COL6A2: variants seen among roughly 807,000 people sequenced by gnomAD.
COL6A2 encodes the protein collagen alpha-2(VI) chain.
A neutral mutation model predicts 124.9 loss-of-function variants in COL6A2; 90 were observed. That is an observed-to-expected ratio of 0.72 (90% CI 0.61 to 0.86). The LOEUF (loss-of-function observed/expected upper bound fraction) is 0.86. Ranked by LOEUF, COL6A2 falls within the 40% of genes least tolerant of loss-of-function variation. The pLI is 0.00. For missense variants in COL6A2, 1,607 were observed against 1,502.5 expected (o/e 1.07, Z -1.15); for synonymous variants, 793 against 618.2 (o/e 1.28, Z -4.19).
Position 46,120,580 on chromosome 21 carries a change from A to G in COL6A2, c.1395+3A>G. 6.8e-7 allele frequency: 1 copy of G among 1,461,068 alleles called. No homozygotes were observed. The highest frequency in any genetic ancestry group is 9.0e-7 in the Non-Finnish European group (1 of 1,106,252). The allele number at this position is 1,461,068 out of a possible 1,614,324, so 90.5% of individuals were successfully genotyped here. A position where few individuals can be genotyped will look rare whatever the true frequency, so the allele number is the denominator to read the frequency against. On this transcript the variant is annotated splice_donor_region_variant and intron_variant, in intron 16 of 27. Transcript: ENST00000300527. ...AGGTTGGCAACAAAGGAGCCAAGGT[A>G]GGGGAGCAGGGTGGGCCGCACCCCA...
intron 17 of COL6A2, 67 bp downstream of exon 17, chr21:46,121,190 G>A: frequency 6.7e-7 from 1 of 1,491,350 alleles, no homozygotes; most frequent in Non-Finnish European, 9.3e-7. Context: ...TCCATGTGGG[G>A]ACAGCCTGGA....
intron 18 of COL6A2, 57 bp downstream of exon 18, chr21:46,121,675 G>A: frequency 6.4e-7 from 1 of 1,572,518 alleles, no homozygotes; most frequent in Non-Finnish European, 8.7e-7. Flanking sequence ...TGCCTGAGGA[G>A]CAGGACAGGG....
chr21:46,129,375 G>A, intron 27 of COL6A2: 1 of 1,612,970 alleles, frequency 6.2e-7, no homozygotes, highest in South Asian at 1.1e-5. Flanking sequence ...CGCCGAGCGG[G>A]CCAAGTTCGC....
chr21:46,112,957 G>A, intron 4 of COL6A2, 133 bp downstream of exon 4: 1 of 1,162,632 alleles, frequency 8.6e-7, no homozygotes, highest in South Asian at 1.3e-5. Flanking sequence ...GCTCCATGTT[G>A]GACCTGAGGC....
chr21:46,109,300 T>C (rs1304166906), intron 1 of COL6A2, among the ~76,000 whole-genome samples: 1 of 152,188 alleles, frequency 6.6e-6, no homozygotes, highest in Non-Finnish European at 1.5e-5. Context: ...GGTCGTGCCA[T>C]GCTCTGCCCT....
At position 46,121,126 on chromosome 21, in the gene COL6A2, C is replaced by T. The variant is rs794727186; in HGVS notation, c.1458+3C>T. The T allele has an allele frequency of 8.7e-6, 14 of 1,612,524 alleles. No homozygotes were observed. Among genetic ancestry groups the T allele is most frequent in the Non-Finnish European group, 1.1e-5 (13 of 1,179,752 alleles). ...CTCTTGGGGAGCCCGGAAAGCAGGT[C>T]AGTGTCAGTGCAGGAGGCCGGTGCC... On this transcript the variant is annotated splice_donor_region_variant and intron_variant, in intron 17 of 27. Coordinates refer to ENST00000300527, the MANE Select transcript of COL6A2 (RefSeq NM_001849.4).
At chr21:46,123,679 GGGTGAGTA>G (rs769623899) in intron 21 of COL6A2, among the ~76,000 whole-genome samples, 76 of 72,948 alleles carry the variant, frequency 1.0e-3, no homozygotes, top group Non-Finnish European at 1.7e-3. Flanking sequence ...GTAGATGTAT[GGGTGAGTA>G]GGTGGGTAGG....
rs11554668 is a variant in COL6A2 at position 46,132,272 on chromosome 21, C to G, written c.2780C>G (p.Ala927Gly). 2.5e-6 allele frequency: 4 copies of G among 1,606,578 alleles called. No homozygotes were observed. In the Admixed American group the frequency reaches 6.7e-5, roughly 27 times the overall value. ...VGAGVVHAIN[A>G]IVRSPRGGAR... ...GCAGGCGTGGTGCACGCCATCAATG[C>G]CATCGTGCGCAGCCCGCGTGGCGGG... Residue 927 changes from alanine (A) to glycine (G), a missense_variant, in exon 28 of 28, where the codon GCC (alanine) becomes GGC (glycine). Physicochemically the swap from Ala to Gly is moderately conservative, Grantham distance 60 (BLOSUM62 0). Around this residue, in one of 3 missense-constraint regions of COL6A2, gnomAD observed 1,223 missense variants for 1,052.2 expected, o/e 1.16. Transcript: ENST00000300527.
chr21:46,129,247 A>G, intron 27 of COL6A2: 1 of 1,612,870 alleles, frequency 6.2e-7, no homozygotes, highest in Non-Finnish European at 8.5e-7. Flanking sequence ...CGCACGGAAG[A>G]GGGGCCGGAC....
chr21:46,105,570 A>G (rs1177409247), intron 1 of COL6A2, among the ~76,000 whole-genome samples: 3 of 152,202 alleles, frequency 2.0e-5, no homozygotes, highest in Admixed American at 6.5e-5. Context: ...TGTGACATCA[A>G]TAACTAAAAG....
At chr21:46,117,117 C>T (rs2078484733) in intron 10 of COL6A2, among the ~76,000 whole-genome samples, 1 of 152,338 alleles carries the variant, frequency 6.6e-6, no homozygotes, top group East Asian at 1.9e-4. Flanking sequence ...ACAGCCCCAC[C>T]CACTCCTTCC....
chr21:46,113,835 CCT>C, intron 4 of COL6A2, 171 bp from the exon 5 acceptor site: 1 of 686,758 alleles, frequency 1.5e-6, no homozygotes, highest in Non-Finnish European at 2.7e-6. Flanking sequence ...GGGGGCAGAG[CCT>C]CACAGCACCC....
chr21:46,125,689 A>C, intron 25 of COL6A2, 72 bp downstream of exon 25: 3 of 1,589,516 alleles, frequency 1.9e-6, no homozygotes. Context: ...AGATGGGAGA[A>C]GTCCAGACGC....
chr21:46,118,974 G>T, intron 13 of COL6A2, 56 bp from the exon 14 acceptor site: 2 of 1,367,918 alleles, frequency 1.5e-6, no homozygotes, highest in South Asian at 1.2e-5. Context: ...GCACAGGCGT[G>T]ACCATGCCTC....
intron 5 of COL6A2, among the ~76,000 whole-genome samples, chr21:46,115,652 T>G (rs1284702099): frequency 6.6e-6 from 1 of 152,170 alleles, no homozygotes; most frequent in Non-Finnish European, 1.5e-5. Context: ...CAGGTGGCTT[T>G]GTGGGAAGCT....
rs1256949462 is a variant in COL6A2, at chr21:46,124,885, G to T, written c.1735G>T (p.Gly579Cys). 2 of 1,612,874 alleles carry T rather than the reference G, an allele frequency of 1.2e-6. No individual in the cohort carries two copies. Among genetic ancestry groups the T allele is most frequent in the Non-Finnish European group, 1.7e-6 (2 of 1,179,988 alleles). ...RGPRGVPGPEGEPGPPGDPGL... is the reference protein window; with the variant it reads ...RGPRGVPGPECEPGPPGDPGL... ...CTCAGCCTCATCCTTCCTTCCCCAG[G>T]GTGAGCCCGGCCCCCCTGGAGACCC... Residue 579 changes from glycine (G) to cysteine (C), a missense_variant and splice_region_variant, in exon 23 of 28, where the codon GGT becomes TGT. By Grantham distance (159) the Gly-to-Cys change is radical. Coordinates refer to ENST00000300527, the MANE Select transcript of COL6A2 (RefSeq NM_001849.4).
intron 1 of COL6A2, among the ~76,000 whole-genome samples, chr21:46,106,031 A>T (rs1316424202): frequency 1.3e-5 from 2 of 152,232 alleles, no homozygotes; most frequent in African/African-American, 4.8e-5. Context: ...CAGTGAAAGG[A>T]TGGGCAATGA....
chr21:46,099,891 T>G (rs1166782641), intron 1 of COL6A2, among the ~76,000 whole-genome samples: 1,639 of 81,164 alleles, frequency 0.02, 48 homozygotes, highest in African/African-American at 0.076. Context: ...AGCACTGTCT[T>G]TTTTTTTTTT....
chr21:46,125,216 ACT>A (rs1282104840), intron 23 of COL6A2, 48 bp from the exon 24 acceptor site: 1 of 1,563,370 alleles, frequency 6.4e-7, no homozygotes, highest in Non-Finnish European at 8.8e-7. Flanking sequence ...TGCTGTGGAA[ACT>A]CTTCTGGGGC....
Sources: gnomAD v4.1 joint callset for allele counts (sites outside exome capture counted in the v4.1 genomes callset) on GRCh38, gnomAD v4.1.1 for gene constraint, gnomAD v4.1.1 regional missense constraint, MANE v1.5 for transcripts, NCBI Gene and HGNC (gene_info 2026-07-23, HGNC 2026-07-21) for gene names.